IFI16: variants seen among roughly 807,000 people sequenced by gnomAD.
IFI16 encodes the protein interferon gamma inducible protein 16, also known as gamma-interferon-inducible protein 16.
Under a neutral mutation model 68.4 loss-of-function variants are expected in IFI16, and 49 were observed. The ratio of observed to expected loss-of-function variants is 0.72; its 90% CI spans 0.57 to 0.91. IFI16 has a LOEUF of 0.91. Ranked by LOEUF, IFI16 falls within the 40% of genes least tolerant of loss-of-function variation. The pLI, the probability that IFI16 is intolerant of heterozygous loss-of-function variation, is 0.00. For missense variants in IFI16, 878 were observed against 942.9 expected, an observed-to-expected ratio of 0.93 and a Z score of 0.90; for synonymous variants, 307 against 315.0, an observed-to-expected ratio of 0.97 and a Z score of 0.27.
At chr1:159,052,447 C>A in intron 10 of IFI16, 1 of 192,650 alleles carries the variant, frequency 5.2e-6, no homozygotes, top group Admixed American at 5.3e-5. Context: ...AGTTCTTCTC[C>A]ATCTGTATCA....
intron 1 of IFI16, among the ~76,000 whole-genome samples, chr1:159,012,232 T>A (rs1392273586): frequency 6.6e-6 from 1 of 152,220 alleles, no homozygotes; most frequent in Non-Finnish European, 1.5e-5. Context: ...TATTTAAATA[T>A]CATTTTGCCT....
At chr1:159,026,164 T>C (rs1653654699) in intron 6 of IFI16, among the ~76,000 whole-genome samples, 1 of 151,906 alleles carries the variant, frequency 6.6e-6, no homozygotes, top group African/African-American at 2.4e-5. Flanking sequence ...GGCTATGTGG[T>C]CTGTTTTTTG....
intron 6 of IFI16, among the ~76,000 whole-genome samples, chr1:159,022,491 T>C (rs1191753830): frequency 6.6e-6 from 1 of 152,170 alleles, no homozygotes; most frequent in African/African-American, 2.4e-5. Flanking sequence ...TCGGTTTCCA[T>C]TGGCTGGGAC....
chr1:159,049,374 C>G, intron 8 of IFI16, 58 bp from the exon 9 acceptor site: 1 of 832,786 alleles, frequency 1.2e-6, no homozygotes, highest in Non-Finnish European at 1.9e-6. Flanking sequence ...AGATGTGTTT[C>G]ATCTGATCTT....
intron 1 of IFI16, among the ~76,000 whole-genome samples, chr1:159,011,480 TATA>T (rs1345421107): frequency 6.6e-6 from 1 of 152,020 alleles, no homozygotes. Flanking sequence ...TATATGTATA[TATA>T]ATCATGTATA....
At chr1:159,026,036 A>AT (rs901043108) in intron 6 of IFI16, among the ~76,000 whole-genome samples, 2 of 152,134 alleles carry the variant, frequency 1.3e-5, no homozygotes, top group Admixed American at 1.3e-4. Flanking sequence ...CTATATGCCT[A>AT]TTTTTATACC....
chr1:159,051,235 C>T (rs1655336474), intron 9 of IFI16, among the ~76,000 whole-genome samples: 1 of 151,764 alleles, frequency 6.6e-6, no homozygotes, highest in Non-Finnish European at 1.5e-5. Context: ...GAGACCAGAA[C>T]ATGGAGGCAG....
At chr1:159,030,741 G>A (rs1049078523) in intron 6 of IFI16, among the ~76,000 whole-genome samples, 1 of 152,142 alleles carries the variant, frequency 6.6e-6, no homozygotes, top group Non-Finnish European at 1.5e-5. Context: ...TTTGTTTATT[G>A]GGATAATTTT....
upstream of IFI16, among the ~76,000 whole-genome samples, chr1:159,006,871 A>G (rs1391000307): frequency 1.3e-5 from 2 of 152,220 alleles, no homozygotes; most frequent in African/African-American, 2.4e-5. Flanking sequence ...TTTGCACCAT[A>G]AACTTCTCCC....
At chr1:159,012,179 G>C (rs35904745) in intron 1 of IFI16, among the ~76,000 whole-genome samples, 3 of 152,054 alleles carry the variant, frequency 2.0e-5, no homozygotes, top group Admixed American at 6.5e-5. Flanking sequence ...CTTGCAAAAA[G>C]ACTGAGGCCC....
At chr1:159,030,894 C>A (rs1246003081) in intron 6 of IFI16, among the ~76,000 whole-genome samples, 3 of 151,506 alleles carry the variant, frequency 2.0e-5, no homozygotes, top group African/African-American at 7.3e-5. Context: ...CCACAGAGCT[C>A]CCAAGAGATT....
In IFI16 at chr1:159,018,441, T is replaced by C. The variant is rs767212819; in HGVS notation, c.762T>C (p.Asn254=). 5 of 1,613,686 alleles carry C rather than the reference T, an allele frequency of 3.1e-6. No homozygotes were observed. The highest frequency in any genetic ancestry group is 4.2e-6 in the Non-Finnish European group (5 of 1,179,602). The change falls in exon 5 of 12, where the codon AAT becomes AAC. Residue 254 remains asparagine, a synonymous_variant. Transcript: ENST00000295809. The part of the protein sequence containing the change: ...VLNTSLKEKF[N]GKKIIIISDY... ...ACACCAGCTTGAAGGAGAAATTCAA[T>C]GGAAAGAAAATCATCATCATATCAG...
chr1:159,049,416 A>G lies in IFI16; in HGVS notation c.1498-16A>G, dbSNP rs1036089455. 4 of 1,189,366 alleles carry G rather than the reference A, an allele frequency of 3.4e-6. No individual in the cohort carries two copies. In the African/African-American group the frequency reaches 4.8e-5, roughly 14 times the overall value. 73.7% of individuals were successfully genotyped at this position (1,189,366 alleles called of 1,614,324 possible). ...CATTAACTAGAAAAAAAGAACAAAC[A>G]TCTATTTTCCTTTAGAAAAGTGAAG... On this transcript the variant is annotated splice_polypyrimidine_tract_variant and intron_variant, in intron 8 of 11. Coordinates refer to ENST00000295809, the MANE Select transcript of IFI16 (RefSeq NM_001376587.1).
upstream of IFI16, among the ~76,000 whole-genome samples, chr1:159,009,501 AG>A (rs1294191117): frequency 6.6e-6 from 1 of 152,188 alleles, no homozygotes; most frequent in Non-Finnish European, 1.5e-5. Flanking sequence ...ACAGGAAAGG[AG>A]GGGAGAAGAA....
upstream of IFI16, among the ~76,000 whole-genome samples, chr1:159,001,577 A>G (rs1409187113): frequency 6.6e-6 from 1 of 152,228 alleles, no homozygotes; most frequent in Non-Finnish European, 1.5e-5. Flanking sequence ...ATTAAACTAC[A>G]TGAACGCCCC....
chr1:159,017,588 A>AATTT (rs1653010797), intron 4 of IFI16, among the ~76,000 whole-genome samples: 1 of 139,104 alleles, frequency 7.2e-6, no homozygotes, highest in African/African-American at 2.5e-5. Context: ...TTCATTCTAA[A>AATTT]ATTTATTTAT....
rs200881245 is a variant in IFI16, at chr1:159,050,264, AT to A, written c.1665+671del. 7.7e-3 allele frequency among the ~76,000 whole-genome samples: 1,180 copies of A among 152,282 alleles called. 18 individuals carry two copies. The highest frequency in any genetic ancestry group is 0.043 in the Admixed American group (654 of 15,292). ...TATTCCATACATTATAAAAATGATCATTTTTTATTTGGCTTTATGTTGTTTC... is the reference window on the plus strand; with the variant it reads ...TATTCCATACATTATAAAAATGATCATTTTTATTTGGCTTTATGTTGTTTC... On this transcript the variant is annotated intron_variant, in intron 9 of 11. Coordinates refer to ENST00000295809, the MANE Select transcript of IFI16 (RefSeq NM_001376587.1).
intron 7 of IFI16, among the ~76,000 whole-genome samples, chr1:159,034,719 G>T (rs1342972677): frequency 6.6e-6 from 1 of 152,050 alleles, no homozygotes; most frequent in Non-Finnish European, 1.5e-5. Flanking sequence ...TCCCATAGTT[G>T]GTTCTCTCTG....
At chr1:159,037,526 A>G (rs1445969387) in intron 7 of IFI16, among the ~76,000 whole-genome samples, 1 of 152,222 alleles carries the variant, frequency 6.6e-6, no homozygotes, top group African/African-American at 2.4e-5. Flanking sequence ...CATAGATCAT[A>G]TAATGCCTGA....
Sources: gnomAD v4.1 joint callset for allele counts (sites outside exome capture counted in the v4.1 genomes callset) on GRCh38, gnomAD v4.1.1 for gene constraint, MANE v1.5 for transcripts, NCBI Gene and HGNC (gene_info 2026-07-23, HGNC 2026-07-21) for gene names.